Variants in CLASP2 observed in about 807,000 individuals in gnomAD.
CLASP2 encodes cytoplasmic linker associated protein 2.
A neutral mutation model predicts 194.4 loss-of-function variants in CLASP2; 47 were observed. The ratio of observed to expected loss-of-function variants is 0.24; its 90% CI spans 0.19 to 0.31. The LOEUF (loss-of-function observed/expected upper bound fraction) is 0.31, where lower values mean the gene tolerates loss of function less well. CLASP2 is among the 10% of genes least tolerant of loss of function. The pLI is 1.00. For synonymous variants in CLASP2, 619 were observed against 633.5 expected, an observed-to-expected ratio of 0.98 and a Z score of 0.34; for missense variants, 1,445 against 1,823.6, an observed-to-expected ratio of 0.79 and a Z score of 3.78.
chr3:33,668,063 CA>C (rs1441341735), intron 6 of CLASP2, among the ~76,000 whole-genome samples: 1 of 151,926 alleles, frequency 6.6e-6, no homozygotes, highest in African/African-American at 2.4e-5. Context: ...ACTAAAAGTA[CA>C]AAAAATTAGC....
chr3:33,622,227 A>G lies in CLASP2; in HGVS notation c.1089T>C (p.Phe363=). 6.2e-7 allele frequency: 1 copy of G among 1,603,272 alleles called. No individual in the cohort carries two copies. The highest frequency in any genetic ancestry group is 1.3e-5 in the African/African-American group (1 of 74,536). ...CATCCAACAATCGTAAATGTTGAAA[A>G]AAGCAATCATACTGTGCAGCTCCAG... is the stretch of plus-strand genomic sequence containing the variant. ...LVAGAAQYDC[F]FQHLRLLDGA... is the part of the protein sequence containing the mutation. Residue 363 remains phenylalanine, a synonymous_variant, in exon 11 of 39, where the codon TTT becomes TTC. Transcript: ENST00000682230.
In CLASP2 at chr3:33,687,177, A is replaced by G. The variant is rs747555573; in HGVS notation, c.471-42T>C. On this transcript the variant is annotated intron_variant, in intron 4 of 38. Coordinates refer to ENST00000682230, the MANE Select transcript of CLASP2 (RefSeq NM_001365631.1). ...AAAAAAATAAAGAAAATTTGTTTTT[A>G]ATAAACAGTAAACAAAATATCCTTA... is the stretch of plus-strand genomic sequence containing the variant. The G allele has an allele frequency of 9.4e-6, 12 of 1,278,390 alleles. No homozygotes were observed. The African/African-American group carries it at 1.2e-4, about 13-fold the overall frequency. The allele number at this position is 1,278,390 out of a possible 1,614,324, so 79.2% of individuals were successfully genotyped here.
rs370607793 is a variant in CLASP2, at chr3:33,535,343, G to A, written c.3677C>T (p.Pro1226Leu). ...ATATGGATTATAGTCTCGAGAGCGT[G>A]GAGAGGAGTGAGTAGGCATTGAATG... is the stretch of plus-strand genomic sequence containing the variant. ...LLHSMPTHSS[P>L]RSRDYNPYNY... Residue 1226 changes from proline (P) to leucine (L), a missense_variant, in exon 34 of 39, where the codon CCA (proline) becomes CTA (leucine). Transcript: ENST00000682230. 1.3e-5 allele frequency: 21 copies of A among 1,613,744 alleles called. No individual in the cohort carries two copies. Among genetic ancestry groups the A allele is most frequent in the Non-Finnish European group, 1.8e-5 (21 of 1,179,842 alleles).
At chr3:33,519,494 AAGG>A (rs1206904712) in intron 34 of CLASP2, among the ~76,000 whole-genome samples, 1 of 152,226 alleles carries the variant, frequency 6.6e-6, no homozygotes, top group South Asian at 2.1e-4. Context: ...AAAAACAAAA[AAGG>A]AGGAGAAAGT....
intron 29 of CLASP2, among the ~76,000 whole-genome samples, chr3:33,551,767 A>G (rs1257481458): frequency 6.6e-6 from 1 of 152,194 alleles, no homozygotes; most frequent in East Asian, 1.9e-4. Flanking sequence ...TATCTTGACA[A>G]GATTATAAAC....
intron 7 of CLASP2, among the ~76,000 whole-genome samples, chr3:33,652,981 G>A (rs1312025455): frequency 3.9e-5 from 6 of 152,148 alleles, no homozygotes; most frequent in Non-Finnish European, 1.5e-5. Context: ...ACTACTACCA[G>A]AGCCTCTTAA....
intron 23 of CLASP2, chr3:33,576,517 G>T: frequency 4.7e-6 from 2 of 422,938 alleles, no homozygotes; most frequent in Non-Finnish European, 8.7e-6. Flanking sequence ...ACAACCACAA[G>T]GTAGAAGGAA....
chr3:33,697,686 T>G (rs554532093), intron 1 of CLASP2, among the ~76,000 whole-genome samples: 12 of 152,304 alleles, frequency 7.9e-5, no homozygotes, highest in South Asian at 6.2e-4. Context: ...GTCTGGGATG[T>G]AGAAACTGGA....
intron 12 of CLASP2, among the ~76,000 whole-genome samples, chr3:33,614,113 T>C (rs1559385018): frequency 6.6e-6 from 1 of 152,030 alleles, no homozygotes; most frequent in Non-Finnish European, 1.5e-5. Flanking sequence ...TCTTAGGAAA[T>C]AAACAAAGCA....
At chr3:33,511,461 T>C (rs983484798) in intron 36 of CLASP2, among the ~76,000 whole-genome samples, 2 of 152,208 alleles carry the variant, frequency 1.3e-5, no homozygotes, top group Non-Finnish European at 2.9e-5. Flanking sequence ...TGCTCATTAT[T>C]AGTACTCTCA....
chr3:33,694,602 C>CA (rs768477191), intron 2 of CLASP2, among the ~76,000 whole-genome samples: 10 of 152,046 alleles, frequency 6.6e-5, no homozygotes, highest in Admixed American at 2.0e-4. Flanking sequence ...TACGAAGAGA[C>CA]AAGAGGATTT....
At chr3:33,699,178 T>C (rs1288328675) in intron 1 of CLASP2, among the ~76,000 whole-genome samples, 2 of 151,900 alleles carry the variant, frequency 1.3e-5, no homozygotes, top group Admixed American at 6.6e-5. Flanking sequence ...ATTACTCAAA[T>C]TGAAATACAA....
chr3:33,659,385 A>G (rs538029329), intron 7 of CLASP2: 267 of 1,038,938 alleles, frequency 2.6e-4, no homozygotes, highest in Non-Finnish European at 3.0e-4. Flanking sequence ...AACACAAGGC[A>G]TGTGTTCAGC....
intron 8 of CLASP2, among the ~76,000 whole-genome samples, chr3:33,643,912 T>C (rs6550226): frequency 0.58 from 87,838 of 151,842 alleles, 27,900 homozygotes; most frequent in African/African-American, 0.84. Context: ...CACCAGTTAC[T>C]GTAAACAAGG....
At chr3:33,647,695 C>T (rs1478259770) in intron 7 of CLASP2, among the ~76,000 whole-genome samples, 3 of 152,084 alleles carry the variant, frequency 2.0e-5, no homozygotes, top group South Asian at 2.1e-4. Context: ...GGTTTTGATC[C>T]GCAAGCAACA....
intron 21 of CLASP2, chr3:33,588,814 G>A: frequency 1.5e-6 from 1 of 686,144 alleles, no homozygotes; most frequent in East Asian, 2.7e-5. Flanking sequence ...GATGGCAGAT[G>A]GAAATAAGAA....
At chr3:33,570,630 T>C in intron 26 of CLASP2, 97 bp downstream of exon 26, 1 of 1,417,170 alleles carries the variant, frequency 7.1e-7, no homozygotes, top group Middle Eastern at 2.4e-4. Flanking sequence ...ACTGCCATTT[T>C]GGGACAATAA....
intron 1 of CLASP2, among the ~76,000 whole-genome samples, chr3:33,705,698 GAA>G (rs2092646387): frequency 6.6e-6 from 1 of 152,102 alleles, no homozygotes; most frequent in African/African-American, 2.4e-5. Context: ...GTAAAATTAT[GAA>G]AAGACATGCA....
intron 37 of CLASP2, chr3:33,504,845 A>G: frequency 6.5e-6 from 1 of 152,740 alleles, no homozygotes; most frequent in Non-Finnish European, 1.5e-5. Context: ...GGCGAAGCTC[A>G]GGTGGTAATG....
Sources: allele counts gnomAD v4.1 joint callset (sites outside exome capture counted in the v4.1 genomes callset), GRCh38; gene constraint gnomAD v4.1.1; transcripts MANE v1.5; gene names NCBI Gene and HGNC (gene_info 2026-07-23, HGNC 2026-07-21).